Variants in CLECL1 observed in about 807,000 individuals in gnomAD.
The protein encoded by CLECL1 is C-type lectin like 1.
chr12:9,728,548 T>G (rs953340166), intron 2 of CLECL1, among the ~76,000 whole-genome samples: 6 of 151,862 alleles, frequency 4.0e-5, no homozygotes, highest in African/African-American at 1.2e-4. Flanking sequence ...CTAGAGAAAC[T>G]TTTTAAGAAG....
chr12:9,719,684 A>G (rs1172329059), downstream of CLECL1, among the ~76,000 whole-genome samples: 1 of 152,168 alleles, frequency 6.6e-6, no homozygotes, highest in African/African-American at 2.4e-5. Context: ...GGCTATAATC[A>G]CATCACTGCA....
At chr12:9,725,412 C>T (rs747605419) in intron 3 of CLECL1, among the ~76,000 whole-genome samples, 5 of 151,830 alleles carry the variant, frequency 3.3e-5, no homozygotes, top group African/African-American at 4.8e-5. Flanking sequence ...ATAATTATTG[C>T]GAAAGATAGA....
chr12:9,718,812 C>T (rs1029994755), downstream of CLECL1: 6 of 690,478 alleles, frequency 8.7e-6, no homozygotes, highest in African/African-American at 1.8e-5. Context: ...AGAAACCAAA[C>T]CTGCCAACAA....
At chr12:9,706,902 T>G in the CLECL1 span, among the ~76,000 whole-genome samples, 1 of 152,208 alleles carries the variant, frequency 6.6e-6, no homozygotes, top group African/African-American at 2.4e-5. Context: ...CTTTCAAGTT[T>G]CTGAAATAGT....
intron 1 of CLECL1, among the ~76,000 whole-genome samples, chr12:9,730,384 A>G (rs1866433073): frequency 6.6e-6 from 1 of 152,236 alleles, no homozygotes; most frequent in African/African-American, 2.4e-5. Context: ...CATTGTTTCC[A>G]CTAGATATGT....
chr12:9,703,258 A>G, the CLECL1 span, among the ~76,000 whole-genome samples: 1 of 152,222 alleles, frequency 6.6e-6, no homozygotes, highest in Non-Finnish European at 1.5e-5. Context: ...GGCATAAGAC[A>G]GCTGTTAAAT....
intron 1 of CLECL1, among the ~76,000 whole-genome samples, chr12:9,731,230 G>A (rs182703877): frequency 1.3e-5 from 2 of 152,230 alleles, no homozygotes; most frequent in African/African-American, 4.8e-5. Context: ...GAACCAATGA[G>A]CATACATATA....
At chr12:9,718,582 A>G (rs1866266850), downstream of CLECL1, 1 of 445,288 alleles carries the variant, frequency 2.2e-6, no homozygotes, top group Non-Finnish European at 3.9e-6. Flanking sequence ...CCTAATCGCC[A>G]CTATCTCAGA....
downstream of CLECL1, among the ~76,000 whole-genome samples, chr12:9,721,697 T>C (rs778033908): frequency 6.6e-6 from 1 of 152,318 alleles, no homozygotes; most frequent in African/African-American, 2.4e-5. Context: ...CAACACTCTT[T>C]TTAGATGCTT....
downstream of CLECL1, among the ~76,000 whole-genome samples, chr12:9,711,801 T>C (rs144671050): frequency 2.1e-3 from 319 of 152,218 alleles, 1 homozygote; most frequent in African/African-American, 7.4e-3. Context: ...CTGCTTACAA[T>C]CACATTTATT....
intron 3 of CLECL1, among the ~76,000 whole-genome samples, chr12:9,724,284 A>G (rs1398860440): frequency 6.6e-6 from 1 of 152,196 alleles, no homozygotes; most frequent in African/African-American, 2.4e-5. Context: ...ACTTCTCCAT[A>G]TAACTTTCAC....
chr12:9,711,312 T>C (rs1309889391), downstream of CLECL1, among the ~76,000 whole-genome samples: 1 of 152,218 alleles, frequency 6.6e-6, no homozygotes, highest in Non-Finnish European at 1.5e-5. Context: ...TGGCTTATAC[T>C]TATTCTGGGT....
At chr12:9,708,572 C>T in the CLECL1 span, among the ~76,000 whole-genome samples, 2 of 152,270 alleles carry the variant, frequency 1.3e-5, no homozygotes, top group East Asian at 3.9e-4. Context: ...ATTGAAACCT[C>T]CACCCCATGG....
intron 3 of CLECL1, among the ~76,000 whole-genome samples, chr12:9,726,018 G>T (rs1866375040): frequency 6.6e-6 from 1 of 151,974 alleles, no homozygotes; most frequent in Non-Finnish European, 1.5e-5. Flanking sequence ...GCTACACCCT[G>T]CCCTCTTACA....
In CLECL1 at chr12:9,716,574, T is replaced by A. The variant is rs117444760; in HGVS notation, n.355A>T. ...GGAAATTGATTGTCTACTTCAGCCA[T>A]CTCCTGGCGGCTGGTGGCTGCCACG... On this transcript the variant is annotated non_coding_transcript_exon_variant, in exon 3 of 3. Coordinates refer to the CLECL1 transcript ENST00000540988. 4.1e-4 allele frequency: 95 copies of A among 229,878 alleles called. No individual in the cohort carries two copies. The East Asian group carries it at 0.012, about 30-fold the overall frequency. The allele number at this position is 229,878 out of a possible 1,614,324, so 14.2% of individuals were successfully genotyped here.
chr12:9,722,465 C>T (rs985903640), downstream of CLECL1: 17 of 931,116 alleles, frequency 1.8e-5, no homozygotes, highest in Admixed American at 8.8e-5. Context: ...TCCTCCTAGC[C>T]GGAAAAAAAA....
the CLECL1 span, among the ~76,000 whole-genome samples, chr12:9,706,767 T>C: frequency 7.9e-4 from 120 of 152,330 alleles, no homozygotes; most frequent in African/African-American, 2.7e-3. Flanking sequence ...CAGTATTTTG[T>C]TGAGAATTTT....
At chr12:9,705,543 A>C in the CLECL1 span, among the ~76,000 whole-genome samples, 1 of 151,420 alleles carries the variant, frequency 6.6e-6, no homozygotes, top group Non-Finnish European at 1.5e-5. Flanking sequence ...TGGGTTTTAC[A>C]CTAAAGTCTT....
intron 1 of CLECL1, among the ~76,000 whole-genome samples, chr12:9,731,330 A>G (rs747701515): frequency 6.6e-6 from 1 of 152,304 alleles, no homozygotes; most frequent in African/African-American, 2.4e-5. Context: ...CCTGCTCTAT[A>G]TTTAGTACGG....
Sources: gnomAD v4.1 joint callset for allele counts (sites outside exome capture counted in the v4.1 genomes callset) on GRCh38, gnomAD v4.1.1 for gene constraint, MANE v1.5 for transcripts, NCBI Gene and HGNC (gene_info 2026-07-23, HGNC 2026-07-21) for gene names.